The following GID8 variants were observed in gnomAD, a reference collection of about 807,000 sequenced individuals.
GID8 encodes the protein GID complex subunit 8 homolog, also known as glucose-induced degradation protein 8 homolog.
In GID8, 6 loss-of-function variants were observed where a neutral mutation model predicts 27.4. That is an observed-to-expected ratio of 0.22 (90% CI 0.12 to 0.43). The LOEUF (loss-of-function observed/expected upper bound fraction) is 0.43, where lower values mean the gene tolerates loss of function less well. Ranked by LOEUF, GID8 falls within the 20% of genes least tolerant of loss-of-function variation. GID8 has a pLI of 1.00. For synonymous variants in GID8, 112 were observed against 109.0 expected (o/e 1.03, Z -0.17); for missense variants, 173 against 287.6 (o/e 0.60, Z 2.88).
At chr20:62,938,419 C>T (rs902551064) in intron 1 of GID8, among the ~76,000 whole-genome samples, 166 bp downstream of exon 1, 16 of 151,844 alleles carry the variant, frequency 1.1e-4, no homozygotes, top group Non-Finnish European at 1.2e-4. Flanking sequence ...AGTCCAGGCC[C>T]GGACGGCCGC....
In GID8 at chr20:62,943,186, A is replaced by G. The variant is rs2065450896; in HGVS notation, c.315+3A>G. 1.9e-6 allele frequency: 3 copies of G among 1,603,442 alleles called. No individual in the cohort carries two copies. In the African/African-American group the frequency reaches 4.0e-5, roughly 21 times the overall value. Reference sequence around the variant, plus strand: ...GGTATCTTTACTTCCATTTGCAGGTATGTTTCAGGAGAGAGTAGTCTGGTT... The same window carrying G: ...GGTATCTTTACTTCCATTTGCAGGTGTGTTTCAGGAGAGAGTAGTCTGGTT... On this transcript the variant is annotated splice_donor_region_variant and intron_variant, in intron 3 of 4. Transcript: ENST00000266069. The surrounding 1 kb of genome is among the most constrained non-coding windows in gnomAD (Gnocchi z 4.7).
rs2147635850 is a variant in GID8, at chr20:62,946,797, C to T, written c.*1885C>T. The T allele has an allele frequency of 6.6e-6, 1 of 152,248 alleles. No individual in the cohort carries two copies. The highest frequency in any genetic ancestry group is 1.9e-4 in the East Asian group (1 of 5,182). The allele number at this position is 152,248 out of a possible 1,614,324, so 9.4% of individuals were successfully genotyped here. A position where few individuals can be genotyped will look rare whatever the true frequency, so the allele number is the denominator to read the frequency against. ...AATAGGGGATGAAATATAGCAGAAGCTAGAAGAAAGCGGTGAGGTGAGAGA... is the reference window on the plus strand; with the variant it reads ...AATAGGGGATGAAATATAGCAGAAGTTAGAAGAAAGCGGTGAGGTGAGAGA... On this transcript the variant is annotated 3_prime_UTR_variant, in exon 5 of 5. Transcript: ENST00000266069.
chr20:62,942,189 C>T (rs2065446673), intron 2 of GID8, among the ~76,000 whole-genome samples: 1 of 152,138 alleles, frequency 6.6e-6, no homozygotes, highest in Non-Finnish European at 1.5e-5. Flanking sequence ...CATGGTGGCT[C>T]ATGCTTATAG....
In GID8 at chr20:62,943,078, C is replaced by T. The variant is rs1158733955; in HGVS notation, c.210C>T (p.Ile70=). 2 of 1,613,782 alleles carry T rather than the reference C, an allele frequency of 1.2e-6. No homozygotes were observed. The highest frequency in any genetic ancestry group is 3.3e-5 in the Admixed American group (2 of 60,030). ...DLETLDERIK[I]REMILKGQIQ... is the part of the protein sequence containing the mutation. Reference sequence around the variant, plus strand: ...AAACACTTGATGAACGAATCAAGATCCGGGAGATGATACTGAAAGGTCAGA... The same window carrying T: ...AAACACTTGATGAACGAATCAAGATTCGGGAGATGATACTGAAAGGTCAGA... Residue 70 remains isoleucine, a synonymous_variant, in exon 3 of 5, where the codon ATC becomes ATT. Coordinates refer to ENST00000266069, the MANE Select transcript of GID8 (RefSeq NM_017896.3). The surrounding 1 kb of genome is among the most constrained non-coding windows in gnomAD (Gnocchi z 4.7).
chr20:62,942,953 CT>C, intron 2 of GID8, 33 bp from the exon 3 acceptor site: 1 of 1,544,052 alleles, frequency 6.5e-7, no homozygotes, highest in Non-Finnish European at 8.9e-7. Flanking sequence ...TCCTTGCTAA[CT>C]TTCCTAGCAG....
rs2065458442 is a variant in GID8 at position 62,944,806 on chromosome 20, A to G, written c.581A>G (p.Lys194Arg). ...ENRESTPKLAKLLKLLLWAQN... is the reference protein window; with the variant it reads ...ENRESTPKLARLLKLLLWAQN... ...CGCGAGTCAACACCCAAACTGGCAA[A>G]ATTACTGAAACTACTACTTTGGGCT... The change falls in exon 5 of 5, where the codon AAA becomes AGA. Residue 194 changes from lysine to arginine, a missense_variant. Transcript: ENST00000266069. The G allele has an allele frequency of 6.2e-7, 1 of 1,614,206 alleles. No homozygotes were observed. The highest frequency in any genetic ancestry group is 1.3e-5 in the African/African-American group (1 of 75,056).
chr20:62,945,027 C>CT lies in GID8; in HGVS notation c.*123dup, dbSNP rs1216857982. On this transcript the variant is annotated 3_prime_UTR_variant, in exon 5 of 5. Coordinates refer to ENST00000266069, the MANE Select transcript of GID8 (RefSeq NM_017896.3). The stretch of plus-strand genomic sequence containing the variant: ...TAGAGAACTCTTTTTCTCCCTTGTA[C>CT]TTTTTTTTGACCTGGCATCTTTTTA... 1.0e-5 allele frequency: 15 copies of CT among 1,435,042 alleles called. No individual in the cohort carries two copies. The highest frequency in any genetic ancestry group is 3.1e-5 in the South Asian group (2 of 65,026). 88.9% of individuals were successfully genotyped at this position (1,435,042 alleles called of 1,614,324 possible).
intron 1 of GID8, chr20:62,938,817 G>A (rs1024091571): frequency 3.9e-5 from 6 of 152,210 alleles, no homozygotes; most frequent in African/African-American, 1.4e-4. Context: ...AATGGGCCGA[G>A]AGAAAAGGTG....
At position 62,947,736 on chromosome 20, in the gene GID8, G is replaced by C. The variant is rs895867523; in HGVS notation, c.*2824G>C. The C allele has an allele frequency of 6.6e-6, 1 of 152,254 alleles. No individual in the cohort carries two copies. The highest frequency in any genetic ancestry group is 1.5e-5 in the Non-Finnish European group (1 of 68,054). 9.4% of individuals were successfully genotyped at this position (152,254 alleles called of 1,614,324 possible). A position where few individuals can be genotyped will look rare whatever the true frequency, so the allele number is the denominator to read the frequency against. ...GGCACATGACTGAAGACTGGTGGTCGTGTGTGTGCGGAGTCCACGGAAGCC... is the reference window on the plus strand; with the variant it reads ...GGCACATGACTGAAGACTGGTGGTCCTGTGTGTGCGGAGTCCACGGAAGCC... On this transcript the variant is annotated 3_prime_UTR_variant, in exon 5 of 5. Coordinates refer to ENST00000266069, the MANE Select transcript of GID8 (RefSeq NM_017896.3).
Position 62,945,232 on chromosome 20 carries a change from G to A in GID8, c.*320G>A. 9.1e-7 allele frequency: 1 copy of A among 1,098,576 alleles called. No homozygotes were observed. Among genetic ancestry groups the A allele is most frequent in the Non-Finnish European group, 1.1e-6 (1 of 899,424 alleles). The allele number at this position is 1,098,576 out of a possible 1,614,324, so 68.1% of individuals were successfully genotyped here. ...AGGATTCGGTCTACCACGGAGGGCTGTGCTGTTAGGCTGCATCCCACTCAA... is the reference window on the plus strand; with the variant it reads ...AGGATTCGGTCTACCACGGAGGGCTATGCTGTTAGGCTGCATCCCACTCAA... On this transcript the variant is annotated 3_prime_UTR_variant, in exon 5 of 5. Transcript: ENST00000266069.
In GID8 at chr20:62,945,705, C is replaced by G; in HGVS notation, c.*793C>G. 8.4e-7 allele frequency: 1 copy of G among 1,194,114 alleles called. No homozygotes were observed. Among genetic ancestry groups the G allele is most frequent in the East Asian group, 5.9e-5 (1 of 16,956 alleles). 74.0% of individuals were successfully genotyped at this position (1,194,114 alleles called of 1,614,324 possible). A position where few individuals can be genotyped will look rare whatever the true frequency, so the allele number is the denominator to read the frequency against. On this transcript the variant is annotated 3_prime_UTR_variant, in exon 5 of 5. Coordinates refer to ENST00000266069, the MANE Select transcript of GID8 (RefSeq NM_017896.3). ...TTTTGTCTTTGGGGCGTTCTTCCCCCTGTGATAGCGGCAGTGGCTTTTTCT... is the reference window on the plus strand; with the variant it reads ...TTTTGTCTTTGGGGCGTTCTTCCCCGTGTGATAGCGGCAGTGGCTTTTTCT...
Position 62,945,297 on chromosome 20 carries a change from A to C in GID8, c.*385A>C. The stretch of plus-strand genomic sequence containing the variant: ...ACGAATCATGATTCTGCTTTCTGTT[A>C]GCTTAGGCAGACATTGGGCCTTCAC... On this transcript the variant is annotated 3_prime_UTR_variant, in exon 5 of 5. Transcript: ENST00000266069. 9.9e-7 allele frequency: 1 copy of C among 1,005,568 alleles called. No individual in the cohort carries two copies. The highest frequency in any genetic ancestry group is 1.2e-6 in the Non-Finnish European group (1 of 842,142). 62.3% of individuals were successfully genotyped at this position (1,005,568 alleles called of 1,614,324 possible).
Position 62,945,011 on chromosome 20 carries a change from CTT to C in GID8, c.*103_*104del. ...AAGATTCTTACTGCAGTAGAGAACT[CTT>C]TTTCTCCCTTGTACTTTTTTTTGAC... is the stretch of plus-strand genomic sequence containing the variant. On this transcript the variant is annotated 3_prime_UTR_variant, in exon 5 of 5. Transcript: ENST00000266069. 4 of 1,455,818 alleles carry C rather than the reference CTT, an allele frequency of 2.7e-6. No individual in the cohort carries two copies. The highest frequency in any genetic ancestry group is 1.5e-5 in the South Asian group (1 of 68,828). The allele number at this position is 1,455,818 out of a possible 1,614,324, so 90.2% of individuals were successfully genotyped here.
In GID8 at chr20:62,943,316, G is replaced by GTT. The variant is rs2065451897; in HGVS notation, c.315+135_315+136dup. 1 of 933,274 alleles carries GTT rather than the reference G, an allele frequency of 1.1e-6. No homozygotes were observed. The highest frequency in any genetic ancestry group is 2.6e-5 in the Admixed American group (1 of 38,286). 57.8% of individuals were successfully genotyped at this position (933,274 alleles called of 1,614,324 possible). The stretch of plus-strand genomic sequence containing the variant: ...ATGCATGTGAGGGGGAGAGGTTTGA[G>GTT]TTTGCTCTTTTATGTAGTTCAGAAG... On this transcript the variant is annotated intron_variant, in intron 3 of 4. Transcript: ENST00000266069. This position sits in a 1 kb window ranked among gnomAD's most constrained non-coding sequence, Gnocchi z 4.7.
chr20:62,941,374 TTG>T (rs1430727175), intron 1 of GID8, 115 bp from the exon 2 acceptor site: 1 of 643,168 alleles, frequency 1.6e-6, no homozygotes, highest in Non-Finnish European at 2.8e-6. Flanking sequence ...CACGGCAGCG[TTG>T]TCTTTCCGTA....
In GID8 at chr20:62,945,702, C is replaced by CACTG; in HGVS notation, c.*790_*791insACTG. 3 of 1,190,436 alleles carry CACTG rather than the reference C, an allele frequency of 2.5e-6. No homozygotes were observed. Among genetic ancestry groups the CACTG allele is most frequent in the Non-Finnish European group, 3.2e-6 (3 of 939,376 alleles). 73.7% of individuals were successfully genotyped at this position (1,190,436 alleles called of 1,614,324 possible). A position where few individuals can be genotyped will look rare whatever the true frequency, so the allele number is the denominator to read the frequency against. ...ACCTTTTGTCTTTGGGGCGTTCTTC[C>CACTG]CCCTGTGATAGCGGCAGTGGCTTTT... On this transcript the variant is annotated 3_prime_UTR_variant, in exon 5 of 5. Coordinates refer to ENST00000266069, the MANE Select transcript of GID8 (RefSeq NM_017896.3).
chr20:62,942,384 G>A (rs3787513), intron 2 of GID8, among the ~76,000 whole-genome samples: 26,685 of 152,170 alleles, frequency 0.18, 2,551 homozygotes, highest in East Asian at 0.28. Context: ...CCCGGAAGGC[G>A]GAGGTTGCAG....
At chr20:62,939,901 AAG>A (rs983129930) in intron 1 of GID8, among the ~76,000 whole-genome samples, 2 of 152,214 alleles carry the variant, frequency 1.3e-5, no homozygotes, top group South Asian at 2.1e-4. Context: ...GCAAAAGAGA[AAG>A]ACAGAGTGGA....
intron 2 of GID8, 26 bp downstream of exon 2, chr20:62,941,646 T>G: frequency 8.2e-7 from 1 of 1,224,550 alleles, no homozygotes; most frequent in East Asian, 2.3e-5. Context: ...GAGGATGCTG[T>G]TGCATGAATG....
Sources: allele counts gnomAD v4.1 joint callset (sites outside exome capture counted in the v4.1 genomes callset), GRCh38; gene constraint gnomAD v4.1.1; non-coding constraint Gnocchi (gnomAD v3.1); transcripts MANE v1.5; gene names NCBI Gene and HGNC (gene_info 2026-07-23, HGNC 2026-07-21).